The following MYO3B variants were observed in gnomAD, a reference collection of about 807,000 sequenced individuals.
MYO3B encodes the protein myosin IIIB, also known as myosin-IIIb.
In MYO3B, 156 loss-of-function variants were observed where a neutral mutation model predicts 174.6. The observed-to-expected ratio is 0.89, with a 90% CI of 0.78 to 1.02. The LOEUF is 1.02. Ranked by LOEUF, MYO3B falls within the 50% of genes least tolerant of loss-of-function variation. The probability of loss-of-function intolerance (pLI) is 0.00; values close to 1 mark genes in which losing one functional copy is unlikely to be tolerated. For synonymous variants in MYO3B, 563 were observed against 569.1 expected (o/e 0.99, Z 0.15); for missense variants, 1,632 against 1,639.4 (o/e 1.00, Z 0.08).
chr2:170,520,285 T>C (rs1461548304), intron 30 of MYO3B, among the ~76,000 whole-genome samples: 9 of 151,924 alleles, frequency 5.9e-5, no homozygotes, highest in Non-Finnish European at 2.9e-5. Context: ...ATGTCAGTAG[T>C]CCCACAGTTG....
chr2:170,602,812 G>C (rs1694595044), intron 32 of MYO3B, among the ~76,000 whole-genome samples: 1 of 152,124 alleles, frequency 6.6e-6, no homozygotes, highest in Non-Finnish European at 1.5e-5. Flanking sequence ...CACACCTGTA[G>C]TCCCAGCACT....
intron 7 of MYO3B, among the ~76,000 whole-genome samples, chr2:170,258,851 T>C (rs1393977012): frequency 6.6e-6 from 1 of 152,144 alleles, no homozygotes; most frequent in African/African-American, 2.4e-5. Context: ...CTAGAACTGA[T>C]AAACGACTTC....
chr2:170,283,576 G>GACATACCT (rs1043466303), intron 7 of MYO3B, among the ~76,000 whole-genome samples: 1 of 152,092 alleles, frequency 6.6e-6, no homozygotes, highest in Admixed American at 6.6e-5. Flanking sequence ...GTGGTTATGG[G>GACATACCT]ACATACCTTT....
rs139404859 is a variant in MYO3B, at chr2:170,223,187, C to A, written c.603+5792C>A. Among the ~76,000 whole-genome samples, 383 of 152,246 alleles carry A rather than the reference C, an allele frequency of 2.5e-3. 2 individuals are homozygous for A. The highest frequency in any genetic ancestry group is 8.7e-3 in the African/African-American group (362 of 41,536). On this transcript the variant is annotated intron_variant, in intron 6 of 34. Coordinates refer to ENST00000408978, the MANE Select transcript of MYO3B (RefSeq NM_138995.5). ...GCCAGCTCATAGTCACTTCCTTGAA[C>A]CTTCTCTTTACCTGATTAAGCCTCT...
At chr2:170,408,062 A>G (rs765393052) in intron 22 of MYO3B, among the ~76,000 whole-genome samples, 1 of 152,268 alleles carries the variant, frequency 6.6e-6, no homozygotes, top group Admixed American at 6.5e-5. Context: ...AGCTGCACAC[A>G]TAAACATACA....
intron 7 of MYO3B, 50 bp downstream of exon 7, chr2:170,236,186 C>G: frequency 6.2e-7 from 1 of 1,605,402 alleles, no homozygotes; most frequent in Non-Finnish European, 8.5e-7. Context: ...GTGAAAGCGT[C>G]TGGTTAGAGG....
chr2:170,249,630 A>G (rs569484463), intron 7 of MYO3B, among the ~76,000 whole-genome samples: 2 of 152,358 alleles, frequency 1.3e-5, no homozygotes, highest in East Asian at 1.9e-4. Flanking sequence ...ATTACTAAGT[A>G]TAAAGATGAT....
At chr2:170,390,522 G>A (rs912821987) in intron 14 of MYO3B, among the ~76,000 whole-genome samples, 2 of 152,182 alleles carry the variant, frequency 1.3e-5, no homozygotes, top group Non-Finnish European at 2.9e-5. Flanking sequence ...GTCACAGAAG[G>A]GCTTTGACAG....
chr2:170,278,456 TC>T (rs1212694980), intron 7 of MYO3B, among the ~76,000 whole-genome samples: 3 of 152,172 alleles, frequency 2.0e-5, no homozygotes, highest in African/African-American at 7.2e-5. Context: ...TAAAAAGAGT[TC>T]ATTCTAGTGC....
chr2:170,632,544 T>C (rs916970873), intron 32 of MYO3B, among the ~76,000 whole-genome samples: 5 of 152,044 alleles, frequency 3.3e-5, no homozygotes, highest in East Asian at 1.9e-4. Context: ...AGATCTAAAA[T>C]TGACACCCTA....
At chr2:170,392,644 C>T in intron 16 of MYO3B, 149 bp downstream of exon 16, 1 of 482,436 alleles carries the variant, frequency 2.1e-6, no homozygotes, top group South Asian at 5.0e-5. Context: ...AGTGTGGTCC[C>T]AGGACCAGAA....
intron 32 of MYO3B, among the ~76,000 whole-genome samples, chr2:170,585,682 T>C (rs1693457409): frequency 6.6e-6 from 1 of 152,096 alleles, no homozygotes; most frequent in Admixed American, 6.5e-5. Context: ...GCTCTGGCCT[T>C]ACCAGCAACA....
At chr2:170,617,425 A>G (rs1695532058) in intron 32 of MYO3B, among the ~76,000 whole-genome samples, 1 of 152,256 alleles carries the variant, frequency 6.6e-6, no homozygotes, top group Middle Eastern at 3.2e-3. Context: ...TTGAACTAAT[A>G]TGCAACTTTC....
chr2:170,523,180 T>C (rs1419849822), intron 30 of MYO3B, among the ~76,000 whole-genome samples: 3 of 152,236 alleles, frequency 2.0e-5, no homozygotes, highest in Non-Finnish European at 4.4e-5. Flanking sequence ...TGAGTCTTAC[T>C]CTTTCTTGTA....
chr2:170,515,812 T>C (rs2106127546), intron 29 of MYO3B, among the ~76,000 whole-genome samples: 1 of 152,180 alleles, frequency 6.6e-6, no homozygotes, highest in Non-Finnish European at 1.5e-5. Context: ...CAGACTCCTT[T>C]AGTATCTCTC....
intron 8 of MYO3B, among the ~76,000 whole-genome samples, chr2:170,348,891 A>G (rs374896552): frequency 4.6e-5 from 7 of 152,284 alleles, no homozygotes; most frequent in Admixed American, 2.0e-4. Context: ...AGAACATTCC[A>G]TCTTATAGGG....
At chr2:170,634,810 T>C (rs1575307209) in intron 32 of MYO3B, among the ~76,000 whole-genome samples, 1 of 152,278 alleles carries the variant, frequency 6.6e-6, no homozygotes. Context: ...GCAAAGGATA[T>C]GAACAGACAC....
rs573841003 is a variant in MYO3B at position 170,543,964 on chromosome 2, C to G, written c.3709C>G (p.Leu1237Val). 229 of 1,613,068 alleles carry G rather than the reference C, an allele frequency of 1.4e-4. 3 individuals carry two copies. The South Asian group carries it at 2.3e-3, about 16-fold the overall frequency. Residue 1237 changes from leucine to valine, a missense_variant, in exon 32 of 35, where the codon CTC (leucine) becomes GTC (valine). Coordinates refer to ENST00000408978, the MANE Select transcript of MYO3B (RefSeq NM_138995.5). ...HPAPDQQGLS[L>V]WGAPQKPGSE... ...TGCTCCAGATCAGCAAGGATTGAGT[C>G]TCTGGGGAGCCCCTCAAAAGCCTGG...
At chr2:170,479,856 G>T (rs1037405943) in intron 25 of MYO3B, among the ~76,000 whole-genome samples, 2 of 147,686 alleles carry the variant, frequency 1.4e-5, no homozygotes, top group African/African-American at 4.9e-5. Flanking sequence ...TGCATATATA[G>T]GTGTATATGT....
Sources: allele counts gnomAD v4.1 joint callset (sites outside exome capture counted in the v4.1 genomes callset), GRCh38; gene constraint gnomAD v4.1.1; transcripts MANE v1.5; gene names NCBI Gene and HGNC (gene_info 2026-07-23, HGNC 2026-07-21).